SELENOO: variants seen among roughly 807,000 people sequenced by gnomAD.
SELENOO encodes the protein protein adenylyltransferase SelO, mitochondrial.
Under a neutral mutation model 58.7 loss-of-function variants are expected in SELENOO, and 74 were observed. That is an observed-to-expected ratio of 1.26 (90% CI 1.04 to 1.53). SELENOO has a LOEUF of 1.53. Ranked by LOEUF, SELENOO falls within the 40% of genes most tolerant of loss-of-function variation. SELENOO has a pLI of 0.00. For missense variants in SELENOO, 1,149 were observed against 970.0 expected (o/e 1.18, Z -2.45); for synonymous variants, 543 against 453.2 (o/e 1.20, Z -2.52).
chr22:50,216,159 G>A (rs539365570), intron 6 of SELENOO, among the ~76,000 whole-genome samples: 4 of 152,332 alleles, frequency 2.6e-5, no homozygotes, highest in Admixed American at 6.5e-5. Context: ...GCTCCCAGAG[G>A]TCAAGCTTTC....
chr22:50,216,863 CTACAGGCG>C lies in SELENOO; in HGVS notation c.1682_1688+1del. On this transcript the variant is annotated frameshift_variant, in exon 7 of 9. Coordinates refer to ENST00000380903, the MANE Select transcript of SELENOO (RefSeq NM_031454.2). LOFTEE classifies it high-confidence loss of function. Reference sequence around the variant, plus strand: ...GAACCAGGGCCACTGGGCTGACTGGCTACAGGCGTACAGGTGAGCCCTGCGTCCATGGT... The same window carrying C: ...GAACCAGGGCCACTGGGCTGACTGGCTACAGGTGAGCCCTGCGTCCATGGT... The C allele has an allele frequency of 6.2e-7, 1 of 1,607,718 alleles. No individual in the cohort carries two copies. Among genetic ancestry groups the C allele is most frequent in the Non-Finnish European group, 8.5e-7 (1 of 1,179,874 alleles).
At chr22:50,212,481 A>G (rs1020312674) in intron 5 of SELENOO, among the ~76,000 whole-genome samples, 13 of 152,136 alleles carry the variant, frequency 8.5e-5, no homozygotes, top group African/African-American at 3.1e-4. Flanking sequence ...CACAACATGG[A>G]TCTATCCTCT....
chr22:50,210,033 G>T, intron 3 of SELENOO, 148 bp from the exon 4 acceptor site: 1 of 879,622 alleles, frequency 1.1e-6, no homozygotes, highest in East Asian at 2.5e-5. Context: ...TTGAGGCGGT[G>T]ACAGGACATC....
intron 5 of SELENOO, among the ~76,000 whole-genome samples, chr22:50,214,448 C>T (rs900097157): frequency 6.6e-6 from 1 of 152,198 alleles, no homozygotes; most frequent in Non-Finnish European, 1.5e-5. Flanking sequence ...GGTGAAACTC[C>T]ATCTCTACTA....
intron 1 of SELENOO, among the ~76,000 whole-genome samples, chr22:50,204,962 CGTG>C (rs1282383017): frequency 6.6e-6 from 1 of 152,210 alleles, no homozygotes; most frequent in Non-Finnish European, 1.5e-5. Context: ...ACCTGGAGGA[CGTG>C]GTGCAGTGAA....
chr22:50,201,920 G>T (rs1192247512), intron 1 of SELENOO, among the ~76,000 whole-genome samples: 1 of 152,242 alleles, frequency 6.6e-6, no homozygotes, highest in Non-Finnish European at 1.5e-5. Flanking sequence ...CGTGGGGCGG[G>T]CCGCTTCGTC....
chr22:50,201,326 C>T lies in SELENOO; in HGVS notation c.290C>T (p.Ala97Val). The change falls in exon 1 of 9, where the codon GCG becomes GTG. Residue 97 changes from alanine (A) to valine (V), a missense_variant. Coordinates refer to ENST00000380903, the MANE Select transcript of SELENOO (RefSeq NM_031454.2). ...PTPLRQPRLV[A>V]LSEPALALLG... Reference sequence around the variant, plus strand: ...CCGCTGCGGCAGCCGCGCCTCGTGGCGCTGTCAGAGCCCGCGCTGGCGTTG... The same window carrying T: ...CCGCTGCGGCAGCCGCGCCTCGTGGTGCTGTCAGAGCCCGCGCTGGCGTTG... 1 of 1,148,862 alleles carries T rather than the reference C, an allele frequency of 8.7e-7. No homozygotes were observed. The allele number at this position is 1,148,862 out of a possible 1,614,324, so 71.2% of individuals were successfully genotyped here.
chr22:50,209,742 C>T (rs1007259041), intron 3 of SELENOO, among the ~76,000 whole-genome samples: 3 of 152,130 alleles, frequency 2.0e-5, no homozygotes, highest in Non-Finnish European at 4.4e-5. Flanking sequence ...TTGATTGGCC[C>T]CTATTCTCAA....
intron 1 of SELENOO, 130 bp downstream of exon 1, chr22:50,201,720 G>A: frequency 1.6e-6 from 1 of 642,750 alleles, no homozygotes. Flanking sequence ...CCGCGGGAGC[G>A]CGGTGCTGGC....
chr22:50,215,997 G>C, intron 6 of SELENOO, 130 bp downstream of exon 6: 1 of 760,176 alleles, frequency 1.3e-6, no homozygotes, highest in South Asian at 1.8e-5. Context: ...CCCAGGGACA[G>C]ATTCAGTCAG....
Position 50,215,633 on chromosome 22 carries a change from GGTGGGGGGGGGGGGGTCT to G in SELENOO, c.1352-80_1352-63del, listed in dbSNP as rs2064400900. 4 of 1,116,828 alleles carry G rather than the reference GGTGGGGGGGGGGGGGTCT, an allele frequency of 3.6e-6. No individual in the cohort carries two copies. In the Admixed American group the frequency reaches 1.1e-4, roughly 31 times the overall value. The allele number at this position is 1,116,828 out of a possible 1,614,324, so 69.2% of individuals were successfully genotyped here. A position where few individuals can be genotyped will look rare whatever the true frequency, so the allele number is the denominator to read the frequency against. On this transcript the variant is annotated intron_variant, in intron 5 of 8. Coordinates refer to ENST00000380903, the MANE Select transcript of SELENOO (RefSeq NM_031454.2). ...GTCCATGCAGCACCTGTGCCAGGGGGGTGGGGGGGGGGGGGTCTGTGTGGCACCAGGACAGGGACCCTG... is the reference window on the plus strand; with the variant it reads ...GTCCATGCAGCACCTGTGCCAGGGGGGTGTGGCACCAGGACAGGGACCCTG...
chr22:50,201,182 G>A lies in SELENOO; in HGVS notation c.146G>A (p.Arg49His), dbSNP rs2064296290. Residue 49 changes from arginine (R) to histidine (H), a missense_variant, in exon 1 of 9, where the codon CGC becomes CAC. Transcript: ENST00000380903. Reference protein sequence around the residue: ...EPAPRWLAGLRFDNRALRALP... With the variant: ...EPAPRWLAGLHFDNRALRALP... Reference sequence around the variant, plus strand: ...GCGCCTCGCTGGCTGGCGGGGCTGCGCTTCGACAACCGCGCCCTGCGCGCC... The same window carrying A: ...GCGCCTCGCTGGCTGGCGGGGCTGCACTTCGACAACCGCGCCCTGCGCGCC... The A allele has an allele frequency of 8.1e-7, 1 of 1,230,546 alleles. No homozygotes were observed. The highest frequency in any genetic ancestry group is 1.0e-6 in the Non-Finnish European group (1 of 985,726). 76.2% of individuals were successfully genotyped at this position (1,230,546 alleles called of 1,614,324 possible).
intron 5 of SELENOO, among the ~76,000 whole-genome samples, chr22:50,214,368 C>T (rs2064391756): frequency 6.6e-6 from 1 of 152,150 alleles, no homozygotes; most frequent in African/African-American, 2.4e-5. Context: ...GCCTGTAATC[C>T]CAACACTTTG....
At chr22:50,209,244 G>C (rs1485001411) in intron 3 of SELENOO, 1 of 152,952 alleles carries the variant, frequency 6.5e-6, no homozygotes, top group African/African-American at 2.4e-5. Flanking sequence ...GCATCAGCGG[G>C]GTCAGGCCAA....
In SELENOO at chr22:50,210,739, G is replaced by T; in HGVS notation, c.1179G>T (p.Leu393=). The T allele has an allele frequency of 4.3e-6, 7 of 1,613,598 alleles. No homozygotes were observed. Among genetic ancestry groups the T allele is most frequent in the Non-Finnish European group, 5.9e-6 (7 of 1,180,016 alleles). ...ACCTGCGGAAGCTGGCCGAGGCCCTGCAGCCGGAACTGCCCCTGGAGCTGG... is the reference window on the plus strand; with the variant it reads ...ACCTGCGGAAGCTGGCCGAGGCCCTTCAGCCGGAACTGCCCCTGGAGCTGG... ...RWNLRKLAEA[L]QPELPLELGE... is the part of the protein sequence containing the mutation. Residue 393 remains leucine (L), a synonymous_variant, in exon 5 of 9, where the codon CTG becomes CTT. Transcript: ENST00000380903.
chr22:50,216,183 C>T (rs953958662), intron 6 of SELENOO, among the ~76,000 whole-genome samples: 1 of 152,210 alleles, frequency 6.6e-6, no homozygotes, highest in Non-Finnish European at 1.5e-5. Context: ...CACCATCTTC[C>T]AAAGGGAAGG....
intron 5 of SELENOO, among the ~76,000 whole-genome samples, chr22:50,213,950 AG>A (rs2064388918): frequency 6.6e-6 from 1 of 151,934 alleles, no homozygotes; most frequent in African/African-American, 2.4e-5. Flanking sequence ...TCCCAACCCT[AG>A]ATGGTCTATC....
At chr22:50,202,138 G>A (rs1459722308) in intron 1 of SELENOO, among the ~76,000 whole-genome samples, 1 of 152,220 alleles carries the variant, frequency 6.6e-6, no homozygotes, top group Non-Finnish European at 1.5e-5. Context: ...TGTATAGACA[G>A]CGCTTGGGTC....
chr22:50,215,316 G>C (rs2064397896), intron 5 of SELENOO, among the ~76,000 whole-genome samples: 1 of 152,120 alleles, frequency 6.6e-6, no homozygotes, highest in African/African-American at 2.4e-5. Context: ...CTTGGAGGGT[G>C]AGCAAATGGC....
Sources: gnomAD v4.1 joint callset for allele counts (sites outside exome capture counted in the v4.1 genomes callset) on GRCh38, gnomAD v4.1.1 for gene constraint, MANE v1.5 for transcripts, NCBI Gene and HGNC (gene_info 2026-07-23, HGNC 2026-07-21) for gene names.